GALNT8: variants seen among roughly 807,000 people sequenced by gnomAD.
GALNT8 encodes polypeptide N-acetylgalactosaminyltransferase 8, also known as probable polypeptide N-acetylgalactosaminyltransferase 8.
In GALNT8, 66 loss-of-function variants were observed where a neutral mutation model predicts 62.7. The ratio of observed to expected loss-of-function variants is 1.05; its 90% CI spans 0.86 to 1.29. GALNT8 has a LOEUF of 1.29. Among genes scored for constraint, GALNT8 ranks in the 50% most tolerant of loss-of-function variants. The pLI is 0.00. For missense variants in GALNT8, 771 were observed against 791.8 expected (o/e 0.97, Z 0.32); for synonymous variants, 288 against 294.3 (o/e 0.98, Z 0.22).
intron 1 of GALNT8, among the ~76,000 whole-genome samples, chr12:4,725,175 A>C (rs1248256877): frequency 6.6e-6 from 1 of 152,172 alleles, no homozygotes; most frequent in African/African-American, 2.4e-5. Flanking sequence ...AGTGCTGAAG[A>C]ATGTCATCAT....
At chr12:4,731,193 T>C (rs193225428) in intron 2 of GALNT8, among the ~76,000 whole-genome samples, 1 of 152,346 alleles carries the variant, frequency 6.6e-6, no homozygotes, top group East Asian at 1.9e-4. Context: ...TATTTTAAAG[T>C]TTTCTATGTA....
intron 3 of GALNT8, among the ~76,000 whole-genome samples, chr12:4,743,966 A>C (rs531398192): frequency 1.3e-5 from 2 of 152,230 alleles, no homozygotes; most frequent in Non-Finnish European, 2.9e-5. Flanking sequence ...CAATCTAGGA[A>C]TAGTGAATCT....
intron 1 of GALNT8, among the ~76,000 whole-genome samples, chr12:4,722,246 G>T (rs1258010065): frequency 6.6e-6 from 1 of 152,184 alleles, no homozygotes; most frequent in East Asian, 1.9e-4. Flanking sequence ...AATCTCTGGG[G>T]CAAGGGCCTC....
rs1946314332 is a variant in GALNT8, at chr12:4,749,639, G to A, written c.1173+3381G>A. ...TTCTTTTCTTTTTTTTTTTTAACGTGTCTTTGTCTTGTTTTGGTAGCAGGG... is the reference window on the plus strand; with the variant it reads ...TTCTTTTCTTTTTTTTTTTTAACGTATCTTTGTCTTGTTTTGGTAGCAGGG... On this transcript the variant is annotated intron_variant, in intron 6 of 10. Transcript: ENST00000252318. This position sits in a 1 kb window ranked among gnomAD's most constrained non-coding sequence, Gnocchi z 4.1. 6.7e-6 allele frequency among the ~76,000 whole-genome samples: 1 copy of A among 149,926 alleles called. No homozygotes were observed. The highest frequency in any genetic ancestry group is 2.5e-5 in the African/African-American group (1 of 40,760).
At chr12:4,744,771 A>G in intron 4 of GALNT8, 71 bp downstream of exon 4, 1 of 1,015,530 alleles carries the variant, frequency 9.8e-7, no homozygotes, top group South Asian at 1.6e-5. Context: ...TGAACACAAG[A>G]CAGGATACTG....
Position 4,764,846 on chromosome 12 carries a change from C to T in GALNT8, c.1594-533C>T, listed in dbSNP as rs192084012. 5.0e-3 allele frequency among the ~76,000 whole-genome samples: 537 copies of T among 107,798 alleles called. 4 individuals are homozygous for T. The highest frequency in any genetic ancestry group is 0.018 in the African/African-American group (498 of 27,790). 70.7% of individuals were successfully genotyped at this position (107,798 alleles called of 152,430 possible). On this transcript the variant is annotated intron_variant, in intron 9 of 10. Coordinates refer to ENST00000252318, the MANE Select transcript of GALNT8 (RefSeq NM_017417.2). The stretch of plus-strand genomic sequence containing the variant: ...GGATTATAGGCTGGAGCCGCCGCAC[C>T]TGGCCTGGACATTTTTTTTTTTTTT...
At position 4,726,167 on chromosome 12, in the gene GALNT8, A is replaced by T. The variant is rs1326179076; in HGVS notation, c.212-365A>T. On this transcript the variant is annotated intron_variant, in intron 1 of 10. Transcript: ENST00000252318. This position sits in a 1 kb window ranked among gnomAD's most constrained non-coding sequence, Gnocchi z 4.1. The stretch of plus-strand genomic sequence containing the variant: ...GGAGATTAGCCTGGGTATCTACATT[A>T]AAAAAAAAATCACAACTGATTGATT... Among the ~76,000 whole-genome samples the T allele has an allele frequency of 6.7e-6, 1 of 149,680 alleles. No individual in the cohort carries two copies. Among genetic ancestry groups the T allele is most frequent in the Non-Finnish European group, 1.5e-5 (1 of 67,280 alleles).
At position 4,725,970 on chromosome 12, in the gene GALNT8, T is replaced by C. The variant is rs146984677; in HGVS notation, c.212-562T>C. 2.8e-3 allele frequency among the ~76,000 whole-genome samples: 431 copies of C among 152,320 alleles called. 4 individuals are homozygous for C. The highest frequency in any genetic ancestry group is 9.5e-3 in the African/African-American group (396 of 41,574). ...GAGAAGCAAGGGCATAGGTGGATGA[T>C]GGTGGTAGTGGTTAGGTTAGATTTG... On this transcript the variant is annotated intron_variant, in intron 1 of 10. Transcript: ENST00000252318.
rs576971845 is a variant in GALNT8, at chr12:4,739,252, C to T, written c.599C>T (p.Ala200Val). 5.6e-6 allele frequency: 9 copies of T among 1,612,806 alleles called. No homozygotes were observed. Among genetic ancestry groups the T allele is most frequent in the African/African-American group, 5.3e-5 (4 of 74,994 alleles). Residue 200 changes from alanine to valine, a missense_variant, in exon 3 of 11, where the codon GCC becomes GTC. Ala to Val is a moderately conservative substitution (Grantham distance 64). Coordinates refer to ENST00000252318, the MANE Select transcript of GALNT8 (RefSeq NM_017417.2). ...GAAGCTCTGTCCATTATACAACGGG[C>T]CATCACCAGTATCATCAACCGGACG... ...VNEALSIIQR[A>V]ITSIINRTPS...
chr12:4,731,039 G>A (rs533876519), intron 2 of GALNT8, among the ~76,000 whole-genome samples: 4 of 151,856 alleles, frequency 2.6e-5, no homozygotes, highest in Non-Finnish European at 5.9e-5. Flanking sequence ...TAGTAGAGAC[G>A]GGGTTTCACC....
chr12:4,742,107 A>T (rs1946274897), intron 3 of GALNT8, among the ~76,000 whole-genome samples: 1 of 152,204 alleles, frequency 6.6e-6, no homozygotes. Flanking sequence ...TGCCTACCTG[A>T]TAGGACCACT....
intron 6 of GALNT8, among the ~76,000 whole-genome samples, chr12:4,748,923 TA>T (rs780430154): frequency 1.3e-4 from 20 of 152,120 alleles, no homozygotes; most frequent in Non-Finnish European, 1.0e-4. Flanking sequence ...ATTTTAGAGA[TA>T]TTTTTTACTT....
chr12:4,744,177 A>G (rs1297998588), intron 3 of GALNT8, among the ~76,000 whole-genome samples: 1 of 152,176 alleles, frequency 6.6e-6, no homozygotes, highest in Non-Finnish European at 1.5e-5. Context: ...TTTTCCATCA[A>G]CCTGTGCACC....
chr12:4,744,460 T>C, intron 3 of GALNT8, 57 bp from the exon 4 acceptor site: 1 of 1,264,474 alleles, frequency 7.9e-7, no homozygotes, highest in Non-Finnish European at 1.1e-6. Context: ...TATAAAACTT[T>C]TGTATCACGT....
intron 2 of GALNT8, among the ~76,000 whole-genome samples, chr12:4,730,832 T>C (rs920423321): frequency 3.3e-5 from 5 of 152,046 alleles, no homozygotes; most frequent in Non-Finnish European, 5.9e-5. Context: ...GTATTAATTC[T>C]TCCAACCCCT....
intron 6 of GALNT8, among the ~76,000 whole-genome samples, chr12:4,746,714 T>A (rs531061770): frequency 6.6e-6 from 1 of 152,152 alleles, no homozygotes; most frequent in Non-Finnish European, 1.5e-5. Flanking sequence ...TGTGCTGAGA[T>A]ATAGTCTAAT....
rs759973946 is a variant in GALNT8, at chr12:4,763,286, A to C, written c.1393A>C (p.Arg465=). 6.2e-6 allele frequency: 10 copies of C among 1,611,986 alleles called. No homozygotes were observed. The South Asian group carries it at 1.1e-4, about 18-fold the overall frequency. Residue 465 remains arginine (R), a synonymous_variant, in exon 8 of 11, where the codon AGA becomes CGA. Transcript: ENST00000252318. The part of the protein sequence containing the change: ...SGIDFGDVSS[R]MALREKLKCK... ...AATAGATTTTGGAGACGTTTCTTCCAGAATGGCACTCCGGGAAAAACTGAA... is the reference window on the plus strand; with the variant it reads ...AATAGATTTTGGAGACGTTTCTTCCCGAATGGCACTCCGGGAAAAACTGAA...
intron 1 of GALNT8, among the ~76,000 whole-genome samples, chr12:4,723,235 C>T (rs1946179087): frequency 6.6e-6 from 1 of 152,142 alleles, no homozygotes; most frequent in African/African-American, 2.4e-5. Flanking sequence ...GAGAAAAAGA[C>T]AGGCAGACAG....
rs529467109 is a variant in GALNT8, at chr12:4,742,452, C to T, written c.677-2065C>T. On this transcript the variant is annotated intron_variant, in intron 3 of 10. Coordinates refer to ENST00000252318, the MANE Select transcript of GALNT8 (RefSeq NM_017417.2). ...CAACAACTACATGTTGAGTTTCTAC[C>T]ATGTGCTAGCCACTGGGCAGGGAGG... Among the ~76,000 whole-genome samples, 127 of 152,290 alleles carry T rather than the reference C, an allele frequency of 8.3e-4. 2 individuals are homozygous for T. The highest frequency in any genetic ancestry group is 2.9e-3 in the African/African-American group (119 of 41,554).
Sources: gnomAD v4.1 joint callset for allele counts (sites outside exome capture counted in the v4.1 genomes callset) on GRCh38, gnomAD v4.1.1 for gene constraint, Gnocchi (gnomAD v3.1) non-coding constraint, MANE v1.5 for transcripts, NCBI Gene and HGNC (gene_info 2026-07-23, HGNC 2026-07-21) for gene names.